The following NTRK3 variants were observed in gnomAD, a reference collection of about 807,000 sequenced individuals.
The protein encoded by NTRK3 is NT-3 growth factor receptor.
A neutral mutation model predicts 91.7 loss-of-function variants in NTRK3; 24 were observed. The observed-to-expected ratio is 0.26, with a 90% CI of 0.19 to 0.37. NTRK3 has a LOEUF of 0.37. Among genes scored for constraint, NTRK3 ranks in the 10% least tolerant of loss-of-function variants. The pLI is 1.00. For missense variants in NTRK3, 880 were observed against 1,068.9 expected (o/e 0.82, Z 2.46); for synonymous variants, 483 against 404.0 (o/e 1.20, Z -2.34).
chr15:88,151,331 T>C (rs1487608448), intron 5 of NTRK3, among the ~76,000 whole-genome samples: 2 of 152,152 alleles, frequency 1.3e-5, no homozygotes, highest in Admixed American at 1.3e-4. Context: ...ATGTGGCTAC[T>C]GGGTGCTCCG....
At chr15:88,015,626 A>C (rs550878784) in intron 14 of NTRK3, among the ~76,000 whole-genome samples, 1 of 152,110 alleles carries the variant, frequency 6.6e-6, no homozygotes, top group South Asian at 2.1e-4. Context: ...CATTATGCTC[A>C]TATCTCCAGA....
rs893077065 is a variant in NTRK3 at position 87,941,687 on chromosome 15, G to A, written c.1586-934C>T. Among the ~76,000 whole-genome samples, 18 of 152,218 alleles carry A rather than the reference G, an allele frequency of 1.2e-4. 1 individual carries two copies. Among genetic ancestry groups the A allele is most frequent in the African/African-American group, 4.3e-4 (18 of 41,454 alleles). On this transcript the variant is annotated intron_variant, in intron 14 of 18. Transcript: ENST00000394480. ...AAGTTCACTGTCCATCCAAGAACGA[G>A]GGTGTGTGCAGAGAGAAGGGTTGCC...
In NTRK3 at chr15:87,890,027, A is replaced by T. The variant is rs28504321; in HGVS notation, c.2134-9599T>A. Among the ~76,000 whole-genome samples, 1,145 of 151,296 alleles carry T rather than the reference A, an allele frequency of 7.6e-3. 11 individuals carry two copies. Among genetic ancestry groups the T allele is most frequent in the African/African-American group, 0.027 (1,105 of 41,142 alleles). On this transcript the variant is annotated intron_variant, in intron 17 of 18. Transcript: ENST00000394480. ...GGTCACTTGTCCCAAAAATTTCTCA[A>T]AGTCTGTTTATTTCACTGTATCCCC...
intron 3 of NTRK3, among the ~76,000 whole-genome samples, chr15:88,228,768 T>G (rs1310706752): frequency 6.6e-6 from 1 of 152,210 alleles, no homozygotes; most frequent in Non-Finnish European, 1.5e-5. Flanking sequence ...ACAAGCTCTC[T>G]AGATATGGCA....
intron 5 of NTRK3, among the ~76,000 whole-genome samples, chr15:88,182,906 G>C (rs1439205599): frequency 1.3e-5 from 2 of 152,156 alleles, no homozygotes; most frequent in Admixed American, 6.5e-5. Context: ...AAACAAAGCT[G>C]TGTGACATTA....
At chr15:87,948,610 C>T (rs978716002) in intron 14 of NTRK3, among the ~76,000 whole-genome samples, 1 of 152,186 alleles carries the variant, frequency 6.6e-6, no homozygotes, top group Non-Finnish European at 1.5e-5. Context: ...ATCGCTTGAA[C>T]CTGGGAGGCG....
chr15:88,227,594 G>T (rs1325378122), intron 3 of NTRK3, among the ~76,000 whole-genome samples: 3 of 152,154 alleles, frequency 2.0e-5, no homozygotes, highest in African/African-American at 7.2e-5. Flanking sequence ...GAGGAACCCA[G>T]TCCTGCTGGC....
chr15:87,875,529 A>T (rs916969425), exon 19 of NTRK3: 2 of 232,610 alleles, frequency 8.6e-6, no homozygotes, highest in African/African-American at 4.4e-5. Flanking sequence ...CGCTCATTGG[A>T]CATCTCCCAG....
At chr15:88,225,286 CA>C (rs2050575981) in intron 3 of NTRK3, among the ~76,000 whole-genome samples, 1 of 152,156 alleles carries the variant, frequency 6.6e-6, no homozygotes, top group African/African-American at 2.4e-5. Context: ...GACATTTCTG[CA>C]CAAATACTGG....
chr15:88,180,926 T>C (rs2046399343), intron 5 of NTRK3, among the ~76,000 whole-genome samples: 1 of 152,102 alleles, frequency 6.6e-6, no homozygotes. Context: ...GAAAAGTTAA[T>C]AAATAAAACC....
intron 6 of NTRK3, among the ~76,000 whole-genome samples, chr15:88,145,154 T>C (rs2042771870): frequency 1.3e-5 from 2 of 152,288 alleles, no homozygotes; most frequent in African/African-American, 4.8e-5. Context: ...TGTGGACTAA[T>C]AAGGAAGTCA....
rs569098612 is a variant in NTRK3 at position 88,125,749 on chromosome 15, T to A, written c.1396+522A>T. ...TGTCATGGAAGCCAGCCAGCAGATTTAGAAATCATGTTGCTCTTGGCATCC... is the reference window on the plus strand; with the variant it reads ...TGTCATGGAAGCCAGCCAGCAGATTAAGAAATCATGTTGCTCTTGGCATCC... On this transcript the variant is annotated intron_variant, in intron 13 of 18. Transcript: ENST00000394480. Among the ~76,000 whole-genome samples, 205 of 152,290 alleles carry A rather than the reference T, an allele frequency of 1.3e-3. 1 individual carries two copies. The highest frequency in any genetic ancestry group is 4.8e-3 in the African/African-American group (199 of 41,554).
At chr15:87,885,248 T>C (rs980952882) in intron 17 of NTRK3, among the ~76,000 whole-genome samples, 24 of 151,820 alleles carry the variant, frequency 1.6e-4, no homozygotes, top group Admixed American at 6.6e-5. Flanking sequence ...TTGAAAAACA[T>C]AAAAGAGGAT....
At chr15:88,208,525 G>A (rs923770344) in intron 3 of NTRK3, among the ~76,000 whole-genome samples, 3 of 152,094 alleles carry the variant, frequency 2.0e-5, no homozygotes, top group Non-Finnish European at 2.9e-5. Flanking sequence ...AGAATGAGGC[G>A]GGGTCTGAGA....
chr15:87,904,994 G>A (rs536045690), intron 17 of NTRK3, among the ~76,000 whole-genome samples: 8 of 152,146 alleles, frequency 5.3e-5, no homozygotes, highest in Admixed American at 2.0e-4. Context: ...TCAAAATGAC[G>A]GGGGAAACTA....
intron 14 of NTRK3, among the ~76,000 whole-genome samples, chr15:87,975,451 A>G (rs1018852614): frequency 2.6e-4 from 40 of 152,126 alleles, no homozygotes; most frequent in Admixed American, 2.0e-4. Flanking sequence ...ATGTAAGCTT[A>G]AGGTCTGACA....
Position 88,075,135 on chromosome 15 carries a change from A to G in NTRK3, c.1397-42090T>C, listed in dbSNP as rs138239534. ...GTTGGAACCTACATGTAAACTGTAC[A>G]GTGACCCTGCAGTGTGCATCCCTCA... On this transcript the variant is annotated intron_variant, in intron 13 of 18. Transcript: ENST00000394480. 6.5e-3 allele frequency among the ~76,000 whole-genome samples: 991 copies of G among 152,314 alleles called. 14 individuals are homozygous for G. The highest frequency in any genetic ancestry group is 0.023 in the African/African-American group (938 of 41,566).
chr15:88,046,192 T>A (rs2080175741), intron 13 of NTRK3, among the ~76,000 whole-genome samples: 1 of 152,052 alleles, frequency 6.6e-6, no homozygotes, highest in African/African-American at 2.4e-5. Context: ...GCATTTAATC[T>A]CCCAAGAGCA....
At chr15:88,117,117 G>A (rs552533157) in intron 13 of NTRK3, among the ~76,000 whole-genome samples, 1 of 152,292 alleles carries the variant, frequency 6.6e-6, no homozygotes, top group African/African-American at 2.4e-5. Context: ...TGTGGCCTAG[G>A]TTTGGGAAGT....
Sources: allele counts gnomAD v4.1 joint callset (sites outside exome capture counted in the v4.1 genomes callset), GRCh38; gene constraint gnomAD v4.1.1; transcripts MANE v1.5; gene names NCBI Gene and HGNC (gene_info 2026-07-23, HGNC 2026-07-21).